Variants in SLC36A1 observed in about 807,000 individuals in gnomAD.
SLC36A1 encodes solute carrier family 36 member 1, also known as proton-coupled amino acid transporter 1.
Under a neutral mutation model 47.5 loss-of-function variants are expected in SLC36A1, and 30 were observed. That is an observed-to-expected ratio of 0.63 (90% CI 0.47 to 0.86). SLC36A1 has a LOEUF of 0.86. SLC36A1 is among the 40% of genes least tolerant of loss of function. The pLI, the probability that SLC36A1 is intolerant of heterozygous loss-of-function variation, is 0.00. For missense variants in SLC36A1, 517 were observed against 606.0 expected (o/e 0.85, Z 1.54); for synonymous variants, 255 against 249.7 (o/e 1.02, Z -0.20).
chr5:151,537,997 TC>T, the SLC36A1 span: 1 of 1,560,102 alleles, frequency 6.4e-7, no homozygotes, highest in Non-Finnish European at 8.8e-7. Context: ...TGCATTCAGA[TC>T]CAGAGAGAAG....
downstream of SLC36A1, chr5:151,492,528 G>A (rs1041618573): frequency 3.3e-5 from 5 of 151,658 alleles, no homozygotes; most frequent in East Asian, 1.9e-4. Flanking sequence ...ATTAAGAGTC[G>A]CCCAAGAAGA....
At chr5:151,442,222 T>C (rs1019473612) in intron 1 of SLC36A1, among the ~76,000 whole-genome samples, 3 of 152,184 alleles carry the variant, frequency 2.0e-5, no homozygotes, top group Non-Finnish European at 2.9e-5. Context: ...TACTTATAGA[T>C]AGTAAAATTG....
the SLC36A1 span, among the ~76,000 whole-genome samples, chr5:151,355,150 G>T: frequency 6.6e-6 from 1 of 152,154 alleles, no homozygotes; most frequent in Non-Finnish European, 1.5e-5. Flanking sequence ...TATTATCCAT[G>T]CAAGCAAGGG....
At chr5:151,364,734 G>A in the SLC36A1 span, among the ~76,000 whole-genome samples, 3 of 152,190 alleles carry the variant, frequency 2.0e-5, no homozygotes, top group African/African-American at 7.2e-5. Flanking sequence ...ACTGACCCAT[G>A]TAACTGGAAA....
At chr5:151,446,685 G>A (rs1200939497), upstream of SLC36A1, among the ~76,000 whole-genome samples, 3 of 152,140 alleles carry the variant, frequency 2.0e-5, no homozygotes, top group Non-Finnish European at 4.4e-5. Context: ...TTTTGGACTA[G>A]CATATGGTCT....
At chr5:151,503,378 C>T in the SLC36A1 span, among the ~76,000 whole-genome samples, 1 of 148,090 alleles carries the variant, frequency 6.8e-6, no homozygotes, top group East Asian at 1.9e-4. Context: ...TAAAACTGCT[C>T]TAAAAAAATT....
the SLC36A1 span, among the ~76,000 whole-genome samples, chr5:151,501,443 C>T: frequency 1.3e-5 from 2 of 148,258 alleles, no homozygotes; most frequent in African/African-American, 5.3e-5. Context: ...ACTAAGGGTG[C>T]GCTGTGGAGT....
chr5:151,448,047 T>C (rs1753086835), intron 1 of SLC36A1, among the ~76,000 whole-genome samples: 1 of 152,134 alleles, frequency 6.6e-6, no homozygotes, highest in Non-Finnish European at 1.5e-5. Context: ...ATCTAGGGCG[T>C]CTTTCACGCT....
At chr5:151,349,487 A>G in the SLC36A1 span, among the ~76,000 whole-genome samples, 1 of 151,990 alleles carries the variant, frequency 6.6e-6, no homozygotes, top group Non-Finnish European at 1.5e-5. Context: ...AGCTGTGGCA[A>G]CCCTTGGAAA....
At chr5:151,554,515 G>A in the SLC36A1 span, 1 of 1,614,230 alleles carries the variant, frequency 6.2e-7, no homozygotes, top group South Asian at 1.1e-5. Flanking sequence ...CCACCAGCCT[G>A]TACACAGGCC....
Position 151,458,271 on chromosome 5 carries a change from T to C in SLC36A1, c.-5-517T>C, listed in dbSNP as rs1237961951. Among the ~76,000 whole-genome samples the C allele has an allele frequency of 2.0e-5, 3 of 149,402 alleles. No homozygotes were observed. The East Asian group carries it at 6.0e-4, about 30-fold the overall frequency. ...GTACATATATATATATACGTGTGTA[T>C]ATGTGTATACGTGTATATATATACA... On this transcript the variant is annotated intron_variant, in intron 1 of 10. Coordinates refer to ENST00000243389, the MANE Select transcript of SLC36A1 (RefSeq NM_078483.4).
At chr5:151,482,638 C>T (rs1311096586) in intron 10 of SLC36A1, among the ~76,000 whole-genome samples, 1 of 152,098 alleles carries the variant, frequency 6.6e-6, no homozygotes, top group Non-Finnish European at 1.5e-5. Flanking sequence ...CACAAATATT[C>T]ATATCTTTCA....
At chr5:151,366,064 CCTTAG>C in the SLC36A1 span, among the ~76,000 whole-genome samples, 6 of 152,140 alleles carry the variant, frequency 3.9e-5, no homozygotes, top group African/African-American at 1.4e-4. Context: ...TTGTAGAGCA[CCTTAG>C]CTTTTAAAAA....
the SLC36A1 span, chr5:151,506,228 G>T: frequency 1.1e-6 from 1 of 904,364 alleles, no homozygotes; most frequent in Non-Finnish European, 1.5e-6. Context: ...ATCTGTGCAG[G>T]TTGTCTCTGT....
chr5:151,521,975 C>T, the SLC36A1 span: 5 of 1,614,108 alleles, frequency 3.1e-6, no homozygotes, highest in Non-Finnish European at 4.2e-6. Flanking sequence ...TCCTCTCCAA[C>T]AGTGATGAAG....
the SLC36A1 span, chr5:151,544,598 T>C: frequency 6.2e-7 from 1 of 1,614,118 alleles, no homozygotes; most frequent in Non-Finnish European, 8.5e-7. Context: ...ACTCTGACTT[T>C]GTAATAAGGA....
chr5:151,409,688 G>T, the SLC36A1 span, among the ~76,000 whole-genome samples: 7 of 152,188 alleles, frequency 4.6e-5, no homozygotes, highest in Admixed American at 3.3e-4. Context: ...AAGGCCCCCA[G>T]GAAATTTGTG....
At chr5:151,468,224 C>G (rs1266116728) in intron 7 of SLC36A1, among the ~76,000 whole-genome samples, 2 of 116,790 alleles carry the variant, frequency 1.7e-5, no homozygotes, top group African/African-American at 7.0e-5. Flanking sequence ...TGCACTCCGA[C>G]CTGGGCAACA....
the SLC36A1 span, among the ~76,000 whole-genome samples, chr5:151,389,410 T>TA: frequency 2.1e-5 from 3 of 146,030 alleles, no homozygotes; most frequent in African/African-American, 7.5e-5. Flanking sequence ...CTTTTTCTTT[T>TA]AATTTTTTTT....
Sources: allele counts gnomAD v4.1 joint callset (sites outside exome capture counted in the v4.1 genomes callset), GRCh38; gene constraint gnomAD v4.1.1; transcripts MANE v1.5; gene names NCBI Gene and HGNC (gene_info 2026-07-23, HGNC 2026-07-21).